BABAM2: variants seen among roughly 807,000 people sequenced by gnomAD.
BABAM2 encodes the protein BRISC and BRCA1 A complex member 2, also known as BRISC and BRCA1-A complex member 2.
In BABAM2, 31 loss-of-function variants were observed where a neutral mutation model predicts 54.7. That is an observed-to-expected ratio of 0.57 (90% CI 0.43 to 0.77). The LOEUF is 0.77. BABAM2 is among the 30% of genes least tolerant of loss of function. The probability of loss-of-function intolerance (pLI) is 0.00; values close to 1 mark genes in which losing one functional copy is unlikely to be tolerated. For synonymous variants in BABAM2, 167 were observed against 162.9 expected (o/e 1.03, Z -0.19); for missense variants, 364 against 455.8 (o/e 0.80, Z 1.83).
At chr2:28,179,756 G>A (rs1262224579) in intron 7 of BABAM2, among the ~76,000 whole-genome samples, 1 of 152,192 alleles carries the variant, frequency 6.6e-6, no homozygotes, top group Non-Finnish European at 1.5e-5. Flanking sequence ...AATCTTAGCT[G>A]TGGTAAGCAA....
chr2:28,203,877 A>T (rs1678541968), intron 7 of BABAM2, among the ~76,000 whole-genome samples: 1 of 152,168 alleles, frequency 6.6e-6, no homozygotes, highest in African/African-American at 2.4e-5. Context: ...GCACTGCCAG[A>T]TTGCCCTTCC....
chr2:28,277,391 C>T (rs1685969314), intron 10 of BABAM2, among the ~76,000 whole-genome samples: 1 of 152,162 alleles, frequency 6.6e-6, no homozygotes, highest in Non-Finnish European at 1.5e-5. Flanking sequence ...AGACGTGAGC[C>T]ACTGTTCCCG....
At chr2:28,269,810 A>G (rs1323266820) in intron 10 of BABAM2, among the ~76,000 whole-genome samples, 4 of 152,154 alleles carry the variant, frequency 2.6e-5, no homozygotes, top group African/African-American at 9.6e-5. Flanking sequence ...GAGGCTATTC[A>G]ATAGAAATAA....
chr2:28,177,572 G>A (rs1675142042), intron 7 of BABAM2, among the ~76,000 whole-genome samples: 1 of 151,780 alleles, frequency 6.6e-6, no homozygotes, highest in Non-Finnish European at 1.5e-5. Flanking sequence ...AATAGAGAAA[G>A]AAACAAAGGA....
chr2:28,266,266 C>T (rs1684981164), intron 10 of BABAM2, among the ~76,000 whole-genome samples: 1 of 152,228 alleles, frequency 6.6e-6, no homozygotes, highest in Admixed American at 6.5e-5. Flanking sequence ...GGATTACAAG[C>T]ATGAGCCACC....
intron 6 of BABAM2, among the ~76,000 whole-genome samples, chr2:28,071,100 A>G (rs1315049412): frequency 1.3e-5 from 2 of 152,100 alleles, no homozygotes; most frequent in Admixed American, 1.3e-4. Flanking sequence ...CCCCATCCCA[A>G]TCACAACTTT....
At chr2:28,232,655 T>C (rs537087353) in intron 7 of BABAM2, among the ~76,000 whole-genome samples, 1 of 152,322 alleles carries the variant, frequency 6.6e-6, no homozygotes, top group South Asian at 2.1e-4. Flanking sequence ...TGTAACACAA[T>C]GGTAAGTATT....
chr2:28,067,419 T>C (rs1287033008), intron 6 of BABAM2, among the ~76,000 whole-genome samples: 3 of 152,234 alleles, frequency 2.0e-5, no homozygotes. Flanking sequence ...ACACATCTTA[T>C]ACTTTCTTGA....
chr2:28,316,235 A>G (rs919838906), intron 11 of BABAM2, among the ~76,000 whole-genome samples: 1 of 151,996 alleles, frequency 6.6e-6, no homozygotes, highest in African/African-American at 2.4e-5. Flanking sequence ...TGTTCCCCAT[A>G]TTTGGGGAAG....
At chr2:28,208,715 A>G (rs559238467) in intron 7 of BABAM2, among the ~76,000 whole-genome samples, 1 of 150,212 alleles carries the variant, frequency 6.7e-6, no homozygotes, top group African/African-American at 2.5e-5. Flanking sequence ...TCAGATAATC[A>G]TGTAAGTTCC....
intron 6 of BABAM2, among the ~76,000 whole-genome samples, chr2:28,092,337 A>T (rs1469505655): frequency 6.6e-6 from 1 of 152,220 alleles, no homozygotes; most frequent in Non-Finnish European, 1.5e-5. Context: ...ATACAAAAAG[A>T]TTGCTAGGAC....
At chr2:27,901,832 G>A (rs968589281) in intron 2 of BABAM2, among the ~76,000 whole-genome samples, 2 of 151,840 alleles carry the variant, frequency 1.3e-5, no homozygotes, top group African/African-American at 4.8e-5. Context: ...TTTTCCCCAC[G>A]CCTGTCTTCA....
chr2:28,224,304 A>G (rs1680672733), intron 7 of BABAM2, among the ~76,000 whole-genome samples: 1 of 152,146 alleles, frequency 6.6e-6, no homozygotes. Flanking sequence ...GTGGCACCTT[A>G]TTGTTGTCCC....
At chr2:28,110,264 C>T (rs1667884856) in intron 6 of BABAM2, among the ~76,000 whole-genome samples, 1 of 152,096 alleles carries the variant, frequency 6.6e-6, no homozygotes, top group Non-Finnish European at 1.5e-5. Context: ...TTTTGCTTTT[C>T]CATTCATCTG....
intron 7 of BABAM2, among the ~76,000 whole-genome samples, chr2:28,212,023 T>G (rs2147990118): frequency 6.6e-6 from 1 of 152,268 alleles, no homozygotes; most frequent in Non-Finnish European, 1.5e-5. Context: ...CTCACCCTCT[T>G]GCTGTTTTTC....
chr2:28,318,700 CTG>C (rs1299108773), intron 11 of BABAM2, among the ~76,000 whole-genome samples: 2 of 152,156 alleles, frequency 1.3e-5, no homozygotes, highest in Non-Finnish European at 2.9e-5. Context: ...TGCTGTGTGT[CTG>C]TATTTGTTTA....
chr2:28,242,898 A>G (rs1682576898), intron 9 of BABAM2, among the ~76,000 whole-genome samples: 1 of 152,192 alleles, frequency 6.6e-6, no homozygotes, highest in Admixed American at 6.5e-5. Context: ...TTTGATACAA[A>G]TAGTGGTTAA....
At chr2:27,945,973 GT>G (rs1669268688) in intron 3 of BABAM2, among the ~76,000 whole-genome samples, 2 of 151,848 alleles carry the variant, frequency 1.3e-5, no homozygotes, top group Non-Finnish European at 2.9e-5. Flanking sequence ...GAAAAAGATA[GT>G]TTTGTATCTT....
chr2:28,170,908 A>G lies in BABAM2; in HGVS notation c.680+41528A>G, dbSNP rs915632759. 2.6e-5 allele frequency among the ~76,000 whole-genome samples: 4 copies of G among 152,214 alleles called. No homozygotes were observed. In the East Asian group the frequency reaches 7.7e-4, roughly 29 times the overall value. On this transcript the variant is annotated intron_variant, in intron 7 of 11. Coordinates refer to ENST00000379624, the MANE Select transcript of BABAM2 (RefSeq NM_199191.3). ...TACAGATTCTTAAAAAATATGTTTA[A>G]GTAAAGAACACGGTATAAAAGGATA...
Sources: allele counts gnomAD v4.1 joint callset (sites outside exome capture counted in the v4.1 genomes callset), GRCh38; gene constraint gnomAD v4.1.1; transcripts MANE v1.5; gene names NCBI Gene and HGNC (gene_info 2026-07-23, HGNC 2026-07-21).